Variants in CCDC171 observed in about 807,000 individuals in gnomAD.
CCDC171 encodes the protein coiled-coil domain-containing protein 171.
A neutral mutation model predicts 168.2 loss-of-function variants in CCDC171; 177 were observed. The observed-to-expected ratio is 1.05, with a 90% confidence interval of 0.93 to 1.19. CCDC171 has a LOEUF of 1.19. CCDC171 is among the 50% of genes most tolerant of loss of function. The pLI is 0.00. For synonymous variants in CCDC171, 687 were observed against 540.8 expected (o/e 1.27, Z -3.75); for missense variants, 1,991 against 1,539.0 (o/e 1.29, Z -4.91).
At chr9:15,922,192 G>A (rs765158257) in intron 25 of CCDC171, 1 of 394,948 alleles carries the variant, frequency 2.5e-6, no homozygotes, top group South Asian at 2.0e-5. Flanking sequence ...ATTCCCCCAG[G>A]TGATTCTGAT....
At chr9:15,990,147 T>C (rs893636626) in intron 3 of CCDC171, among the ~76,000 whole-genome samples, 1 of 151,896 alleles carries the variant, frequency 6.6e-6, no homozygotes, top group Admixed American at 6.6e-5. Flanking sequence ...AAAGTTGAAA[T>C]GAAGGAAAAA....
At chr9:16,108,874 G>T in the CCDC171 span, among the ~76,000 whole-genome samples, 2 of 152,076 alleles carry the variant, frequency 1.3e-5, no homozygotes, top group Non-Finnish European at 2.9e-5. Flanking sequence ...CTGCAGAAAC[G>T]TGAGCCAAAT....
At chr9:15,759,981 T>C (rs1564359537) in intron 18 of CCDC171, among the ~76,000 whole-genome samples, 2 of 152,302 alleles carry the variant, frequency 1.3e-5, no homozygotes, top group South Asian at 4.1e-4. Flanking sequence ...TTATGAGCAG[T>C]ATCTTAATTA....
chr9:15,600,209 C>T (rs1294912515), intron 6 of CCDC171, among the ~76,000 whole-genome samples: 1 of 152,178 alleles, frequency 6.6e-6, no homozygotes, highest in Non-Finnish European at 1.5e-5. Context: ...GGGGGAGAGG[C>T]ACTCTGATTT....
At chr9:15,666,063 G>C (rs2048711105) in intron 8 of CCDC171, 100 bp from the exon 9 acceptor site, 3 of 1,007,020 alleles carry the variant, frequency 3.0e-6, no homozygotes, top group African/African-American at 3.2e-5. Context: ...AGAAGTGCTT[G>C]GATGAATGAT....
At chr9:15,869,508 G>A (rs1476466988) in intron 23 of CCDC171, among the ~76,000 whole-genome samples, 7 of 79,804 alleles carry the variant, frequency 8.8e-5, no homozygotes, top group East Asian at 5.9e-4. Flanking sequence ...CTCTGAAAGC[G>A]TAGTGTTTTT....
At chr9:15,677,767 G>A (rs1004475681) in intron 9 of CCDC171, among the ~76,000 whole-genome samples, 1 of 140,832 alleles carries the variant, frequency 7.1e-6, no homozygotes, top group African/African-American at 2.6e-5. Context: ...ATACCTATAT[G>A]TGTGTGTGTG....
intron 3 of CCDC171, among the ~76,000 whole-genome samples, chr9:16,008,922 C>T (rs144913375): frequency 0.017 from 2,601 of 152,262 alleles, 70 homozygotes; most frequent in African/African-American, 0.058. Context: ...CCAGTGTCGG[C>T]AGACCTTTTT....
chr9:15,968,888 A>G (rs1399676689), intron 25 of CCDC171, among the ~76,000 whole-genome samples: 1 of 152,036 alleles, frequency 6.6e-6, no homozygotes, highest in East Asian at 1.9e-4. Flanking sequence ...ACTTTACCTC[A>G]TTTCATGAAA....
intron 6 of CCDC171, among the ~76,000 whole-genome samples, chr9:16,026,076 G>A (rs16933970): frequency 5.0e-4 from 76 of 152,274 alleles, no homozygotes; most frequent in African/African-American, 1.7e-3. Flanking sequence ...GGAAGATCAC[G>A]ATACTCAGAG....
chr9:15,910,252 T>A (rs1486135543), intron 24 of CCDC171, among the ~76,000 whole-genome samples: 1 of 152,196 alleles, frequency 6.6e-6, no homozygotes, highest in Non-Finnish European at 1.5e-5. Context: ...GTTGACTTCA[T>A]ATCTTTGTTA....
intron 21 of CCDC171, among the ~76,000 whole-genome samples, chr9:15,807,314 C>G (rs1169699802): frequency 2.6e-5 from 4 of 152,214 alleles, no homozygotes; most frequent in Admixed American, 6.5e-5. Flanking sequence ...TCCCAGAGTT[C>G]TTGCATTGGC....
intron 11 of CCDC171, among the ~76,000 whole-genome samples, chr9:15,714,178 T>C (rs950829714): frequency 6.6e-6 from 1 of 152,188 alleles, no homozygotes; most frequent in African/African-American, 2.4e-5. Context: ...TGCCTTTATC[T>C]TTCAATCCTT....
At chr9:15,971,047 A>G (rs1270374450) in intron 25 of CCDC171, among the ~76,000 whole-genome samples, 1 of 152,158 alleles carries the variant, frequency 6.6e-6, no homozygotes, top group Non-Finnish European at 1.5e-5. Flanking sequence ...CATTATTATT[A>G]AAGTAAAGCC....
chr9:15,580,750 G>GT (rs2041046952), intron 4 of CCDC171, among the ~76,000 whole-genome samples: 1 of 152,142 alleles, frequency 6.6e-6, no homozygotes, highest in Non-Finnish European at 1.5e-5. Flanking sequence ...CATGGATGTG[G>GT]TAAAAAGGGA....
At chr9:15,888,513 A>G (rs1484318846) in intron 24 of CCDC171, among the ~76,000 whole-genome samples, 1 of 152,154 alleles carries the variant, frequency 6.6e-6, no homozygotes, top group Non-Finnish European at 1.5e-5. Context: ...TACACCATTT[A>G]ATTTTGGAAA....
chr9:15,736,901 G>C (rs932402324), intron 16 of CCDC171, among the ~76,000 whole-genome samples: 3 of 152,060 alleles, frequency 2.0e-5, no homozygotes, highest in African/African-American at 4.8e-5. Context: ...CCATCTGCCT[G>C]TCTTGGCCTC....
chr9:15,671,879 C>T (rs531625264), intron 9 of CCDC171, among the ~76,000 whole-genome samples: 11 of 152,212 alleles, frequency 7.2e-5, no homozygotes, highest in East Asian at 5.8e-4. Context: ...GTAATGGGAT[C>T]GCTGCGTCAA....
rs1172065742 is a variant in CCDC171, at chr9:15,971,706, AACTTGATACTACTT to A, written c.3854_3867del (p.Leu1285HisfsTer28). 2 of 1,613,818 alleles carry A rather than the reference AACTTGATACTACTT, an allele frequency of 1.2e-6. No individual in the cohort carries two copies. Among genetic ancestry groups the A allele is most frequent in the African/African-American group, 2.7e-5 (2 of 74,916 alleles). Reference sequence around the variant, plus strand: ...GGGGATTTCTTACCATTGAAAGCTGAACTTGATACTACTTACACTTTCTTAAAGGAGACATTTAT... The same window carrying A: ...GGGGATTTCTTACCATTGAAAGCTGAACACTTTCTTAAAGGAGACATTTAT... On this transcript the variant is annotated frameshift_variant, in exon 26 of 26. Transcript: ENST00000380701. LOFTEE classifies it high-confidence loss of function.
Sources: gnomAD v4.1 joint callset for allele counts (sites outside exome capture counted in the v4.1 genomes callset) on GRCh38, gnomAD v4.1.1 for gene constraint, MANE v1.5 for transcripts, NCBI Gene and HGNC (gene_info 2026-07-23, HGNC 2026-07-21) for gene names.